The following NARS2 variants were observed in gnomAD, a reference collection of about 807,000 sequenced individuals.
NARS2 encodes the protein asparaginyl-tRNA synthetase.
In NARS2, 60 loss-of-function variants were observed where a neutral mutation model predicts 62.9. That is an observed-to-expected ratio of 0.95 (90% CI 0.77 to 1.18). The LOEUF is 1.18. NARS2 is among the 50% of genes most tolerant of loss of function. The probability of loss-of-function intolerance (pLI) is 0.00; values close to 1 mark genes in which losing one functional copy is unlikely to be tolerated. For synonymous variants in NARS2, 196 were observed against 200.0 expected, an observed-to-expected ratio of 0.98 and a Z score of 0.17; for missense variants, 619 against 576.4, an observed-to-expected ratio of 1.07 and a Z score of -0.76.
Position 78,466,048 on chromosome 11 carries a change from G to T in NARS2, c.1027-35C>A, listed in dbSNP as rs190682775. 8.5e-5 allele frequency: 132 copies of T among 1,551,040 alleles called. 1 individual carries two copies. In the Admixed American group the frequency reaches 2.8e-3, roughly 32 times the overall value. On this transcript the variant is annotated intron_variant, in intron 10 of 13. Coordinates refer to ENST00000281038, the MANE Select transcript of NARS2 (RefSeq NM_024678.6). ...GAAGAAAGAAATGACCAAAAGAGGA[G>T]ACAGAGGTGAAATATACAATTAAGC...
At position 78,528,929 on chromosome 11, in the gene NARS2, C is replaced by A. The variant is rs561430299; in HGVS notation, c.602G>T (p.Gly201Val). ...AGELFQLEPS[G>V]KLKVPEENFF... ...ATTCTCCTCAGGTACCTTAAGTTTG[C>A]CTGAAGGCTGCAAATCAAAAACATA... The change falls in exon 6 of 14, where the codon GGC (glycine) becomes GTC (valine). Residue 201 changes from glycine to valine, a missense_variant. Physicochemically the swap from Gly to Val is moderately radical, Grantham distance 109. Coordinates refer to ENST00000281038, the MANE Select transcript of NARS2 (RefSeq NM_024678.6). 24 of 1,609,202 alleles carry A rather than the reference C, an allele frequency of 1.5e-5. No individual in the cohort carries two copies. The South Asian group carries it at 2.4e-4, about 16-fold the overall frequency.
At chr11:78,492,975 C>G (rs573732052) in intron 7 of NARS2, 88 bp downstream of exon 7, 9 of 1,178,270 alleles carry the variant, frequency 7.6e-6, no homozygotes, top group East Asian at 4.7e-5. Flanking sequence ...TTATGAATAC[C>G]TGTAACACAT....
chr11:78,520,153 G>A (rs936016084), intron 6 of NARS2, among the ~76,000 whole-genome samples: 1 of 152,020 alleles, frequency 6.6e-6, no homozygotes, highest in Non-Finnish European at 1.5e-5. Flanking sequence ...ATATTCTGTT[G>A]GCTTAAAACA....
rs1442318908 is a variant in NARS2, at chr11:78,465,956, T to C, written c.1084A>G (p.Ile362Val). Reference protein sequence around the residue: ...EKYLVKHCGNIPVFVINYPLT... With the variant: ...EKYLVKHCGNVPVFVINYPLT... ...GGATAATTAATAACGAAGACAGGTA[T>C]GTTGCCACAGTGCTTCACCAGGTAC... Residue 362 changes from isoleucine to valine, a missense_variant, in exon 11 of 14, where the codon ATA (isoleucine) becomes GTA (valine). Coordinates refer to ENST00000281038, the MANE Select transcript of NARS2 (RefSeq NM_024678.6). 2.5e-6 allele frequency: 4 copies of C among 1,614,016 alleles called. No individual in the cohort carries two copies. The highest frequency in any genetic ancestry group is 3.4e-6 in the Non-Finnish European group (4 of 1,179,946).
chr11:78,538,029 T>C (rs535330005), intron 5 of NARS2, among the ~76,000 whole-genome samples: 1 of 152,310 alleles, frequency 6.6e-6, no homozygotes, highest in East Asian at 1.9e-4. Flanking sequence ...TTGAGTAGCA[T>C]GATGAAATCT....
intron 6 of NARS2, among the ~76,000 whole-genome samples, chr11:78,515,476 G>A (rs937101944): frequency 2.0e-5 from 3 of 152,114 alleles, no homozygotes; most frequent in Admixed American, 6.6e-5. Context: ...TAATGTTGAC[G>A]GTTATACAAC....
At chr11:78,482,884 T>C (rs914585031) in intron 7 of NARS2, among the ~76,000 whole-genome samples, 2 of 152,080 alleles carry the variant, frequency 1.3e-5, no homozygotes, top group African/African-American at 2.4e-5. Flanking sequence ...CTGTAACCCA[T>C]TTTATGAAGC....
intron 9 of NARS2, among the ~76,000 whole-genome samples, chr11:78,475,545 G>A (rs1169592384): frequency 6.8e-6 from 1 of 147,702 alleles, no homozygotes; most frequent in Non-Finnish European, 1.5e-5. Context: ...GGGTTCCCAA[G>A]CGCCACATCT....
At chr11:78,494,285 T>C (rs542573651) in intron 6 of NARS2, among the ~76,000 whole-genome samples, 1 of 152,278 alleles carries the variant, frequency 6.6e-6, no homozygotes, top group East Asian at 1.9e-4. Context: ...AATAAATATT[T>C]CTTGAGGACT....
intron 7 of NARS2, among the ~76,000 whole-genome samples, chr11:78,484,223 T>C (rs1859477452): frequency 6.6e-6 from 1 of 152,064 alleles, no homozygotes; most frequent in Non-Finnish European, 1.5e-5. Context: ...TCCTTACACC[T>C]TATATAAAAA....
chr11:78,443,326 C>CAA (rs11409113), intron 12 of NARS2, among the ~76,000 whole-genome samples: 7,063 of 82,762 alleles, frequency 0.085, 753 homozygotes, highest in African/African-American at 0.25. Context: ...GACTCCGTCT[C>CAA]AAAAAAAAAA....
Position 78,574,434 on chromosome 11 carries a change from A to G in NARS2, c.55T>C (p.Phe19Leu), listed in dbSNP as rs1339263783. The G allele has an allele frequency of 2.5e-6, 4 of 1,614,166 alleles. No individual in the cohort carries two copies. The East Asian group carries it at 8.9e-5, about 36-fold the overall frequency. ...RSVRFCSSAPFPKHKPSAKLS... is the reference protein window; with the variant it reads ...RSVRFCSSAPLPKHKPSAKLS... ...TTGGCTGAAGGTTTGTGCTTGGGGA[A>G]GGGGGCGGAGGAACAGAAGCGCACG... Residue 19 changes from phenylalanine (F) to leucine (L), a missense_variant, in exon 1 of 14, where the codon TTC becomes CTC. Physicochemically the swap from Phe to Leu is conservative, Grantham distance 22. Transcript: ENST00000281038.
intron 11 of NARS2, among the ~76,000 whole-genome samples, chr11:78,463,733 A>AAC (rs1444274340): frequency 6.6e-6 from 1 of 150,760 alleles, no homozygotes; most frequent in Non-Finnish European, 1.5e-5. Context: ...AAAAAAAAAA[A>AAC]AAAACCACAG....
intron 7 of NARS2, among the ~76,000 whole-genome samples, chr11:78,482,035 A>C (rs543620751): frequency 5.9e-5 from 9 of 152,226 alleles, no homozygotes; most frequent in Middle Eastern, 3.4e-3. Context: ...TAGTTTCATG[A>C]AGATCAACAC....
chr11:78,457,616 A>C (rs112679577), intron 11 of NARS2, among the ~76,000 whole-genome samples: 3 of 152,246 alleles, frequency 2.0e-5, no homozygotes, highest in Non-Finnish European at 4.4e-5. Context: ...TATATACTCT[A>C]GTACTGCATA....
At chr11:78,500,638 T>G (rs775604025) in intron 6 of NARS2, among the ~76,000 whole-genome samples, 1 of 152,196 alleles carries the variant, frequency 6.6e-6, no homozygotes, top group Non-Finnish European at 1.5e-5. Flanking sequence ...CAAGCCCAGC[T>G]AATTAAAAAT....
intron 5 of NARS2, among the ~76,000 whole-genome samples, chr11:78,537,526 G>T (rs1855404352): frequency 6.6e-6 from 1 of 152,238 alleles, no homozygotes; most frequent in African/African-American, 2.4e-5. Flanking sequence ...GCCAGGTATA[G>T]TGGCTCACAA....
At chr11:78,477,537 C>T (rs1426725547) in intron 9 of NARS2, among the ~76,000 whole-genome samples, 2 of 152,170 alleles carry the variant, frequency 1.3e-5, no homozygotes, top group Non-Finnish European at 2.9e-5. Context: ...GAACTCTTGC[C>T]ACCATCCTGG....
At chr11:78,510,565 A>AAG (rs762892743) in intron 6 of NARS2, among the ~76,000 whole-genome samples, 1 of 152,136 alleles carries the variant, frequency 6.6e-6, no homozygotes, top group African/African-American at 2.4e-5. Context: ...GATAACTAAA[A>AAG]AGAGAGAGAG....
Sources: gnomAD v4.1 joint callset for allele counts (sites outside exome capture counted in the v4.1 genomes callset) on GRCh38, gnomAD v4.1.1 for gene constraint, MANE v1.5 for transcripts, NCBI Gene and HGNC (gene_info 2026-07-23, HGNC 2026-07-21) for gene names.